The following SCGB2B2 variants were observed in gnomAD, a reference collection of about 807,000 sequenced individuals.
SCGB2B2 encodes secretoglobin family 2B member 2.
A neutral mutation model predicts 7.6 loss-of-function variants in SCGB2B2; 11 were observed. That is an observed-to-expected ratio of 1.45 (90% CI 0.91 to 2.40). The LOEUF (loss-of-function observed/expected upper bound fraction) is 2.40, where lower values mean the gene tolerates loss of function less well. Among genes scored for constraint, SCGB2B2 ranks in the 30% most tolerant of loss-of-function variants. The pLI, the probability that SCGB2B2 is intolerant of heterozygous loss-of-function variation, is 0.00. For synonymous variants in SCGB2B2, 50 were observed against 48.6 expected, an observed-to-expected ratio of 1.03 and a Z score of -0.12; for missense variants, 104 against 115.4, an observed-to-expected ratio of 0.90 and a Z score of 0.45.
Position 34,594,784 on chromosome 19 carries a change from T to A in SCGB2B2, c.-221A>T, listed in dbSNP as rs1473140314. 3.4e-6 allele frequency: 2 copies of A among 580,810 alleles called. No individual in the cohort carries two copies. Among genetic ancestry groups the A allele is most frequent in the Non-Finnish European group, 6.3e-6 (2 of 317,714 alleles). The allele number at this position is 580,810 out of a possible 1,614,324, so 36.0% of individuals were successfully genotyped here. On this transcript the variant is annotated 5_prime_UTR_variant, in exon 2 of 4. The change abolishes the stop of an existing upstream ORF in the 5' untranslated region. Transcript: ENST00000601241. The stretch of plus-strand genomic sequence containing the variant: ...GGTGGCAGCGTATCGGGAACTGGAC[T>A]CAGCATGCAGTGGGAGGGGTTGGGT...
chr19:34,667,738 C>G (rs145636568), intron 1 of SCGB2B2, among the ~76,000 whole-genome samples: 48 of 151,702 alleles, frequency 3.2e-4, no homozygotes, highest in African/African-American at 1.1e-3. Context: ...ACAGCAAGAA[C>G]CTGGAGACCC....
intron 1 of SCGB2B2, chr19:34,640,277 T>C (rs1055423416): frequency 2.0e-5 from 3 of 151,712 alleles, no homozygotes; most frequent in African/African-American, 4.8e-5. Context: ...TTTTAATTTC[T>C]CTTTTTTTTT....
chr19:34,618,595 C>A (rs2066155748), intron 1 of SCGB2B2, among the ~76,000 whole-genome samples: 1 of 152,174 alleles, frequency 6.6e-6, no homozygotes, highest in Non-Finnish European at 1.5e-5. Flanking sequence ...TAGGACAATC[C>A]TTAAAAACTG....
At chr19:34,659,171 A>G (rs1379447872) in intron 1 of SCGB2B2, among the ~76,000 whole-genome samples, 1 of 152,196 alleles carries the variant, frequency 6.6e-6, no homozygotes, top group Non-Finnish European at 1.5e-5. Context: ...TGATAAACCC[A>G]CAGCCAGTAT....
rs2067969240 is a variant in SCGB2B2 at position 34,676,795 on chromosome 19, G to A, written c.-3197C>T. On this transcript the variant is annotated 5_prime_UTR_variant, in exon 1 of 4. Coordinates refer to ENST00000601241, the MANE Select transcript of SCGB2B2 (RefSeq NM_001025591.4). ...ATGATTGAAGTCAATTAACATTTAA[G>A]TGTTAAAAAGAAAGTAAACAACCCA... The A allele has an allele frequency of 6.6e-6, 1 of 152,170 alleles. No individual in the cohort carries two copies. Among genetic ancestry groups the A allele is most frequent in the Non-Finnish European group, 1.5e-5 (1 of 68,032 alleles). The allele number at this position is 152,170 out of a possible 1,614,324, so 9.4% of individuals were successfully genotyped here. A position where few individuals can be genotyped will look rare whatever the true frequency, so the allele number is the denominator to read the frequency against.
intron 1 of SCGB2B2, among the ~76,000 whole-genome samples, chr19:34,644,729 C>T (rs114248108): frequency 0.022 from 3,381 of 152,190 alleles, 107 homozygotes; most frequent in African/African-American, 0.078. Flanking sequence ...TCATCTTTTT[C>T]GCCAAATTAT....
chr19:34,665,620 A>T (rs2067594497), intron 1 of SCGB2B2, among the ~76,000 whole-genome samples: 1 of 129,178 alleles, frequency 7.7e-6, no homozygotes, highest in Non-Finnish European at 1.8e-5. Flanking sequence ...TGTGTGTGAC[A>T]CAGGCAGGAA....
intron 1 of SCGB2B2, among the ~76,000 whole-genome samples, chr19:34,624,971 G>T (rs1037196830): frequency 6.6e-6 from 1 of 152,190 alleles, no homozygotes; most frequent in Non-Finnish European, 1.5e-5. Flanking sequence ...AAAGTACAGT[G>T]TTGGAGGTCC....
At chr19:34,624,127 CT>C (rs1205907963) in intron 1 of SCGB2B2, among the ~76,000 whole-genome samples, 3 of 152,192 alleles carry the variant, frequency 2.0e-5, no homozygotes, top group African/African-American at 7.2e-5. Flanking sequence ...AAAACTGTGA[CT>C]CCAAATTCTT....
intron 1 of SCGB2B2, among the ~76,000 whole-genome samples, chr19:34,647,061 A>G (rs2067038245): frequency 6.6e-6 from 1 of 151,926 alleles, no homozygotes. Flanking sequence ...GAGGCTGGGA[A>G]ACCTTGCCCT....
chr19:34,589,275 A>G (rs1370105617), downstream of SCGB2B2, among the ~76,000 whole-genome samples: 1 of 151,932 alleles, frequency 6.6e-6, no homozygotes, highest in Non-Finnish European at 1.5e-5. Context: ...AGCTAAAGGG[A>G]GGTGTGGGGA....
intron 1 of SCGB2B2, among the ~76,000 whole-genome samples, chr19:34,623,318 C>T (rs975729239): frequency 6.6e-6 from 1 of 152,170 alleles, no homozygotes; most frequent in African/African-American, 2.4e-5. Flanking sequence ...CCAGGCTGCA[C>T]TCGAGGAAAG....
chr19:34,651,772 A>C (rs527563758), intron 1 of SCGB2B2, among the ~76,000 whole-genome samples: 1 of 151,492 alleles, frequency 6.6e-6, no homozygotes, highest in African/African-American at 2.5e-5. Flanking sequence ...GAAATAGAAA[A>C]AATAATCCTA....
chr19:34,612,804 C>A (rs1226422827), intron 1 of SCGB2B2, among the ~76,000 whole-genome samples: 1 of 152,172 alleles, frequency 6.6e-6, no homozygotes, highest in Non-Finnish European at 1.5e-5. Flanking sequence ...CTCCTTAAAT[C>A]TAATAATATT....
intron 1 of SCGB2B2, among the ~76,000 whole-genome samples, chr19:34,604,960 A>T (rs1225993623): frequency 6.6e-6 from 1 of 152,236 alleles, no homozygotes; most frequent in East Asian, 1.9e-4. Flanking sequence ...TTACCACCAC[A>T]ATCAAAATAT....
At chr19:34,664,441 C>T (rs1196031756) in intron 1 of SCGB2B2, among the ~76,000 whole-genome samples, 2 of 152,182 alleles carry the variant, frequency 1.3e-5, no homozygotes, top group Non-Finnish European at 2.9e-5. Context: ...CCAGCCCTGC[C>T]CAGGGACACC....
chr19:34,650,754 C>T (rs747983169), intron 1 of SCGB2B2, among the ~76,000 whole-genome samples: 9 of 151,442 alleles, frequency 5.9e-5, no homozygotes, highest in African/African-American at 1.7e-4. Context: ...ATTCATTTTA[C>T]AAGACCAACA....
chr19:34,599,029 C>T (rs1022155665), intron 1 of SCGB2B2, among the ~76,000 whole-genome samples: 1 of 152,272 alleles, frequency 6.6e-6, no homozygotes, highest in Non-Finnish European at 1.5e-5. Flanking sequence ...GGCCTGCCCC[C>T]AAATCCTGCA....
Position 34,592,372 on chromosome 19 carries a change from T to C in SCGB2B2, c.*1183A>G, listed in dbSNP as rs2065318641. Among the ~76,000 whole-genome samples, 1 of 151,146 alleles carries C rather than the reference T, an allele frequency of 6.6e-6. No individual in the cohort carries two copies. Among genetic ancestry groups the C allele is most frequent in the African/African-American group, 2.4e-5 (1 of 41,332 alleles). The stretch of plus-strand genomic sequence containing the variant: ...GGGAGAAAGAAGATCCAGGCTGGTA[T>C]TCCCATGGAAGGGGAGTGAGGCTGG... On this transcript the variant is annotated 3_prime_UTR_variant, in exon 4 of 4. Transcript: ENST00000601241.
Sources: allele counts gnomAD v4.1 joint callset (sites outside exome capture counted in the v4.1 genomes callset), GRCh38; gene constraint gnomAD v4.1.1; transcripts MANE v1.5; gene names NCBI Gene and HGNC (gene_info 2026-07-23, HGNC 2026-07-21).